The following MYH10 variants were observed in gnomAD, a reference collection of about 807,000 sequenced individuals.
MYH10 encodes myosin heavy chain 10.
A neutral mutation model predicts 257.8 loss-of-function variants in MYH10; 55 were observed. That is an observed-to-expected ratio of 0.21 (90% CI 0.17 to 0.27). The LOEUF (loss-of-function observed/expected upper bound fraction) is 0.27. MYH10 is among the 10% of genes least tolerant of loss of function. The pLI, the probability that MYH10 is intolerant of heterozygous loss-of-function variation, is 1.00. For missense variants in MYH10, 1,631 were observed against 2,500.6 expected (o/e 0.65, Z 7.42); for synonymous variants, 854 against 921.7 (o/e 0.93, Z 1.33).
intron 35 of MYH10, among the ~76,000 whole-genome samples, chr17:8,489,559 C>A (rs1022559949): frequency 6.6e-6 from 1 of 152,130 alleles, no homozygotes; most frequent in Non-Finnish European, 1.5e-5. Context: ...CAAAAATTAG[C>A]TGGGCATGGT....
intron 13 of MYH10, 102 bp from the exon 14 acceptor site, chr17:8,542,382 A>C: frequency 1.0e-6 from 1 of 988,492 alleles, no homozygotes; most frequent in African/African-American, 1.6e-5. Flanking sequence ...AAACATTACT[A>C]ATTAGGTAGG....
chr17:8,614,307 CTTTTTT>C (rs35801623), intron 2 of MYH10, among the ~76,000 whole-genome samples: 14 of 77,128 alleles, frequency 1.8e-4, no homozygotes, highest in East Asian at 1.6e-3. Context: ...CAATTCACTT[CTTTTTT>C]TTTTTTTTTT....
intron 2 of MYH10, 95 bp downstream of exon 2, chr17:8,622,807 G>C: frequency 7.5e-7 from 1 of 1,341,784 alleles, no homozygotes; most frequent in Non-Finnish European, 1.0e-6. Flanking sequence ...CAGAGAGTTT[G>C]GGTATTCCAC....
At chr17:8,609,663 T>C (rs1375428790) in intron 2 of MYH10, among the ~76,000 whole-genome samples, 1 of 151,866 alleles carries the variant, frequency 6.6e-6, no homozygotes, top group Non-Finnish European at 1.5e-5. Flanking sequence ...AAAATTAAAA[T>C]CCACAGTGGA....
chr17:8,574,075 A>G (rs1295097023), intron 6 of MYH10, among the ~76,000 whole-genome samples: 1 of 152,244 alleles, frequency 6.6e-6, no homozygotes, highest in Non-Finnish European at 1.5e-5. Context: ...CATAACTTGT[A>G]CATGAGTGTT....
chr17:8,530,385 G>A (rs2081973816), intron 17 of MYH10, among the ~76,000 whole-genome samples: 1 of 152,156 alleles, frequency 6.6e-6, no homozygotes, highest in Non-Finnish European at 1.5e-5. Context: ...CAATGTGTAG[G>A]CAGTAGCAAT....
At chr17:8,489,743 A>ACACACACACC (rs1437818172) in intron 35 of MYH10, among the ~76,000 whole-genome samples, 3,738 of 150,164 alleles carry the variant, frequency 0.025, 62 homozygotes, top group Non-Finnish European at 0.039. Flanking sequence ...ACACACACAC[A>ACACACACACC]CACCCCAAAT....
chr17:8,577,128 G>A, intron 5 of MYH10, 108 bp downstream of exon 5: 1 of 759,106 alleles, frequency 1.3e-6, no homozygotes, highest in South Asian at 2.3e-5. Flanking sequence ...GTGGAGACAA[G>A]GGAGCTGTCA....
chr17:8,544,794 T>C (rs2082392413), intron 13 of MYH10, among the ~76,000 whole-genome samples: 1 of 152,242 alleles, frequency 6.6e-6, no homozygotes, highest in South Asian at 2.1e-4. Context: ...TGTGAAACTT[T>C]TCTGCATTGA....
At chr17:8,493,097 C>T (rs545008071) in intron 32 of MYH10, 73 bp from the exon 33 acceptor site, 15 of 1,513,060 alleles carry the variant, frequency 9.9e-6, no homozygotes, top group Middle Eastern at 1.8e-4. Flanking sequence ...TGGTGGCTCA[C>T]GCCTGTAATC....
intron 3 of MYH10, among the ~76,000 whole-genome samples, chr17:8,589,482 AGATGGGG>A (rs1299894542): frequency 6.6e-6 from 1 of 152,194 alleles, no homozygotes; most frequent in African/African-American, 2.4e-5. Flanking sequence ...CAACTCTGGG[AGATGGGG>A]ATTAAAAACC....
chr17:8,610,522 C>T (rs933693855), intron 2 of MYH10, among the ~76,000 whole-genome samples: 1 of 151,982 alleles, frequency 6.6e-6, no homozygotes, highest in South Asian at 2.1e-4. Flanking sequence ...TTGACTGTGT[C>T]CCCACAAAAG....
At chr17:8,556,335 A>C (rs2082796263) in intron 7 of MYH10, among the ~76,000 whole-genome samples, 1 of 152,212 alleles carries the variant, frequency 6.6e-6, no homozygotes, top group Admixed American at 6.5e-5. Context: ...CAGCCACTTT[A>C]TTCTTAATAG....
chr17:8,501,654 T>C (rs2080900288), intron 28 of MYH10, among the ~76,000 whole-genome samples: 2 of 152,132 alleles, frequency 1.3e-5, no homozygotes, highest in African/African-American at 4.8e-5. Flanking sequence ...AGGAGGGCAT[T>C]ATCTTTTGGA....
chr17:8,484,008 TA>T (rs1914319436), intron 37 of MYH10, 129 bp downstream of exon 37: 3 of 840,370 alleles, frequency 3.6e-6, no homozygotes, highest in Non-Finnish European at 5.3e-6. Flanking sequence ...AATGGATACT[TA>T]AAAAAATAAA....
At chr17:8,620,913 AG>A (rs1263389906) in intron 2 of MYH10, among the ~76,000 whole-genome samples, 1 of 152,240 alleles carries the variant, frequency 6.6e-6, no homozygotes, top group Non-Finnish European at 1.5e-5. Flanking sequence ...GAAACTCAGA[AG>A]TTCACTCAGG....
At chr17:8,520,827 T>C in intron 19 of MYH10, 51 bp downstream of exon 19, 3 of 1,535,052 alleles carry the variant, frequency 2.0e-6, no homozygotes, top group South Asian at 2.5e-5. Context: ...TTTTAATTCA[T>C]ATCAAGATAA....
At chr17:8,516,661 G>A (rs909702888) in intron 21 of MYH10, among the ~76,000 whole-genome samples, 2 of 152,128 alleles carry the variant, frequency 1.3e-5, no homozygotes, top group African/African-American at 4.8e-5. Flanking sequence ...CTGCACTTTC[G>A]ATAGTTGTAG....
intron 2 of MYH10, among the ~76,000 whole-genome samples, chr17:8,614,981 TAGAC>T (rs1376335454): frequency 6.6e-6 from 1 of 152,196 alleles, no homozygotes; most frequent in Non-Finnish European, 1.5e-5. Flanking sequence ...GATAAATTCC[TAGAC>T]AAACATAATT....
Sources: gnomAD v4.1 joint callset for allele counts (sites outside exome capture counted in the v4.1 genomes callset) on GRCh38, gnomAD v4.1.1 for gene constraint, MANE v1.5 for transcripts, NCBI Gene and HGNC (gene_info 2026-07-23, HGNC 2026-07-21) for gene names.